HMCN1: variants seen among roughly 807,000 people sequenced by gnomAD.
HMCN1 encodes the protein hemicentin 1.
HMCN1 carries 321 observed loss-of-function variants against 625.9 expected under a neutral mutation model. The observed-to-expected ratio is 0.51, with a 90% confidence interval of 0.47 to 0.56. HMCN1 has a LOEUF of 0.56. Among genes scored for constraint, HMCN1 ranks in the 20% least tolerant of loss-of-function variants. HMCN1 has a pLI of 0.00. For synonymous variants in HMCN1, 2,425 were observed against 2,417.6 expected (o/e 1.00, Z -0.09); for missense variants, 6,588 against 6,887.3 (o/e 0.96, Z 1.54).
intron 89 of HMCN1, among the ~76,000 whole-genome samples, chr1:186,138,884 C>A (rs763874220): frequency 1.3e-5 from 2 of 152,190 alleles, no homozygotes; most frequent in Non-Finnish European, 2.9e-5. Flanking sequence ...AGTGGAGGAG[C>A]TGTTCATTTA....
In HMCN1 at chr1:186,082,969, C is replaced by G; in HGVS notation, c.8884+8C>G. ...TTAACCTCAATGTTCATGGTAAGAG[C>G]TCAGTTCCAAAACCATCTGTTAGGG... On this transcript the variant is annotated splice_region_variant and intron_variant, in intron 57 of 106. Transcript: ENST00000271588. 3 of 1,544,702 alleles carry G rather than the reference C, an allele frequency of 1.9e-6. No individual in the cohort carries two copies. Among genetic ancestry groups the G allele is most frequent in the Non-Finnish European group, 2.7e-6 (3 of 1,127,844 alleles).
At chr1:186,105,892 A>G (rs1660586499) in intron 69 of HMCN1, among the ~76,000 whole-genome samples, 1 of 152,226 alleles carries the variant, frequency 6.6e-6, no homozygotes, top group Non-Finnish European at 1.5e-5. Flanking sequence ...TAGAGATTTT[A>G]AAGATATGAT....
rs1473473257 is a variant in HMCN1, at chr1:186,152,090, C to A, written c.14896+347C>A. Among the ~76,000 whole-genome samples, 3 of 152,122 alleles carry A rather than the reference C, an allele frequency of 2.0e-5. No individual in the cohort carries two copies. The East Asian group carries it at 5.8e-4, about 29-fold the overall frequency. ...ATTAAAGACCTTCTTTGTCTTTAAA[C>A]CAAGATCCAATTAGGATACTTTATA... On this transcript the variant is annotated intron_variant, in intron 95 of 106. Coordinates refer to ENST00000271588, the MANE Select transcript of HMCN1 (RefSeq NM_031935.3).
intron 11 of HMCN1, among the ~76,000 whole-genome samples, chr1:185,949,619 C>G (rs1214809630): frequency 6.6e-6 from 1 of 151,878 alleles, no homozygotes; most frequent in African/African-American, 2.4e-5. Context: ...AATAAAGGCT[C>G]ATCTCTTATC....
intron 15 of HMCN1, 103 bp from the exon 16 acceptor site, chr1:185,977,684 A>G (rs1053888684): frequency 1.2e-6 from 1 of 809,724 alleles, no homozygotes; most frequent in African/African-American, 1.7e-5. Flanking sequence ...TAATATGAAC[A>G]ATAATTCAAA....
In HMCN1 at chr1:186,115,399, A is replaced by C; in HGVS notation, c.11546A>C (p.Asn3849Thr). ...GGGCATCTTCTTAATGTGGATCAAAATCAGAACTCATACAGGTAAGGATAA... is the reference window on the plus strand; with the variant it reads ...GGGCATCTTCTTAATGTGGATCAAACTCAGAACTCATACAGGTAAGGATAA... ...KNGHLLNVDQ[N>T]QNSYRLLSSG... is the part of the protein sequence containing the mutation. The change falls in exon 75 of 107, where the codon AAT becomes ACT. Residue 3849 changes from asparagine (N) to threonine (T), a missense_variant. Asn to Thr is a moderately conservative substitution (Grantham distance 65, BLOSUM62 0). Coordinates refer to ENST00000271588, the MANE Select transcript of HMCN1 (RefSeq NM_031935.3). The C allele has an allele frequency of 6.2e-7, 1 of 1,613,514 alleles. No homozygotes were observed. Among genetic ancestry groups the C allele is most frequent in the Non-Finnish European group, 8.5e-7 (1 of 1,179,798 alleles).
In HMCN1 at chr1:186,001,666, G is replaced by C; in HGVS notation, c.4273G>C (p.Asp1425His). Residue 1425 changes from aspartate to histidine, a missense_variant, in exon 28 of 107, where the codon GAT becomes CAT. Around this residue, in one of 3 missense-constraint regions of HMCN1, gnomAD observed 4,628 missense variants for 4,853.1 expected, o/e 0.95. Coordinates refer to ENST00000271588, the MANE Select transcript of HMCN1 (RefSeq NM_031935.3). ...GAAGCTCTTCAGAGCCACTCCAGAG[G>C]ATGCAGGAAGATATTCCTGCAAAGC... ...ILKLFRATPEDAGRYSCKAIN... is the reference protein window; with the variant it reads ...ILKLFRATPEHAGRYSCKAIN... 2.5e-6 allele frequency: 4 copies of C among 1,611,412 alleles called. No individual in the cohort carries two copies. Among genetic ancestry groups the C allele is most frequent in the Non-Finnish European group, 3.4e-6 (4 of 1,177,804 alleles).
chr1:185,926,267 C>T (rs1050929329), intron 9 of HMCN1, among the ~76,000 whole-genome samples: 11 of 152,080 alleles, frequency 7.2e-5, no homozygotes, highest in African/African-American at 2.7e-4. Flanking sequence ...CTTATACAAT[C>T]GCTTTATGGG....
At chr1:186,023,751 A>C (rs1388114576) in intron 36 of HMCN1, among the ~76,000 whole-genome samples, 2 of 152,222 alleles carry the variant, frequency 1.3e-5, no homozygotes, top group Admixed American at 1.3e-4. Flanking sequence ...AAAACTGTTC[A>C]AGATTTTCAT....
At chr1:186,159,539 T>G (rs1443526603) in intron 97 of HMCN1, among the ~76,000 whole-genome samples, 1 of 152,222 alleles carries the variant, frequency 6.6e-6, no homozygotes, top group Non-Finnish European at 1.5e-5. Context: ...CCATTCAGTA[T>G]GGTATTGGCT....
At chr1:185,991,805 A>T (rs1165444064) in intron 22 of HMCN1, among the ~76,000 whole-genome samples, 1 of 152,016 alleles carries the variant, frequency 6.6e-6, no homozygotes, top group African/African-American at 2.4e-5. Flanking sequence ...ATACAGAGCT[A>T]CAATTCCTGG....
intron 75 of HMCN1, among the ~76,000 whole-genome samples, chr1:186,116,158 G>A (rs192442808): frequency 8.2e-4 from 125 of 152,056 alleles, no homozygotes; most frequent in Middle Eastern, 6.8e-3. Flanking sequence ...TAATCTTTTG[G>A]CATTGGGAGG....
At chr1:185,921,999 A>T (rs1309700099) in intron 6 of HMCN1, among the ~76,000 whole-genome samples, 2 of 152,326 alleles carry the variant, frequency 1.3e-5, no homozygotes, top group East Asian at 3.9e-4. Flanking sequence ...ACCTGGATGT[A>T]TTTGTGGAAG....
chr1:185,982,874 A>T (rs1486061639), intron 18 of HMCN1, among the ~76,000 whole-genome samples: 1 of 152,114 alleles, frequency 6.6e-6, no homozygotes, highest in African/African-American at 2.4e-5. Flanking sequence ...TTTGTTATTC[A>T]TATTATTTTG....
intron 1 of HMCN1, among the ~76,000 whole-genome samples, chr1:185,740,763 G>T (rs559108172): frequency 6.6e-6 from 1 of 152,222 alleles, no homozygotes; most frequent in African/African-American, 2.4e-5. Context: ...GGAGGCTGAG[G>T]CAGACAGATT....
chr1:185,803,034 C>G (rs1658903493), intron 1 of HMCN1, among the ~76,000 whole-genome samples: 1 of 151,768 alleles, frequency 6.6e-6, no homozygotes, highest in Non-Finnish European at 1.5e-5. Flanking sequence ...TATTTTTTCT[C>G]TTTGGCTCCT....
intron 97 of HMCN1, 150 bp from the exon 98 acceptor site, chr1:186,164,961 A>T (rs1362017966): frequency 1.4e-6 from 1 of 723,276 alleles, no homozygotes; most frequent in Admixed American, 2.2e-5. Context: ...AAACAGGAAA[A>T]GTTTTCCATG....
intron 15 of HMCN1, 142 bp downstream of exon 15, chr1:185,970,635 G>A (rs886937835): frequency 5.4e-6 from 4 of 742,100 alleles, no homozygotes; most frequent in African/African-American, 5.2e-5. Context: ...TAGAATAACA[G>A]TAGTTAGCAT....
chr1:186,013,585 C>G (rs569980345), intron 30 of HMCN1, among the ~76,000 whole-genome samples: 1 of 152,132 alleles, frequency 6.6e-6, no homozygotes. Context: ...TAAAAGGGAC[C>G]AGGCTCCTTG....
Sources: gnomAD v4.1 joint callset for allele counts (sites outside exome capture counted in the v4.1 genomes callset) on GRCh38, gnomAD v4.1.1 for gene constraint, gnomAD v4.1.1 regional missense constraint, MANE v1.5 for transcripts, NCBI Gene and HGNC (gene_info 2026-07-23, HGNC 2026-07-21) for gene names.